DLGAP1: variants seen among roughly 807,000 people sequenced by gnomAD.
The protein encoded by DLGAP1 is disks large-associated protein 1.
Under a neutral mutation model 90.8 loss-of-function variants are expected in DLGAP1, and 11 were observed. The ratio of observed to expected loss-of-function variants is 0.12; its 90% CI spans 0.08 to 0.20. The LOEUF is 0.20. Ranked by LOEUF, DLGAP1 falls within the 10% of genes least tolerant of loss-of-function variation. The pLI, the probability that DLGAP1 is intolerant of heterozygous loss-of-function variation, is 1.00. For synonymous variants in DLGAP1, 558 were observed against 540.7 expected, an observed-to-expected ratio of 1.03 and a Z score of -0.44; for missense variants, 1,050 against 1,333.8, an observed-to-expected ratio of 0.79 and a Z score of 3.31.
chr18:4,217,428 T>C (rs554968031), intron 1 of DLGAP1, among the ~76,000 whole-genome samples: 1 of 152,250 alleles, frequency 6.6e-6, no homozygotes, highest in African/African-American at 2.4e-5. Context: ...TGTGGTTATA[T>C]TTTGTAAGTG....
Position 3,851,652 on chromosome 18 carries a change from A to T in DLGAP1, c.957+27460T>A, listed in dbSNP as rs79154348. On this transcript the variant is annotated intron_variant, in intron 4 of 12. Coordinates refer to ENST00000315677, the MANE Select transcript of DLGAP1 (RefSeq NM_004746.4). ...ATAACAAACCTGCACAATATCCTGA[A>T]CCTAAAATAAAAGTTTAAAAGTAAA... Among the ~76,000 whole-genome samples the T allele has an allele frequency of 5.2e-3, 785 of 152,318 alleles. 8 individuals carry two copies. Among genetic ancestry groups the T allele is most frequent in the African/African-American group, 0.018 (747 of 41,566 alleles).
intron 7 of DLGAP1, among the ~76,000 whole-genome samples, chr18:3,707,719 G>A (rs549198133): frequency 6.6e-6 from 1 of 152,226 alleles, no homozygotes; most frequent in African/African-American, 2.4e-5. Flanking sequence ...CTGCATTGGT[G>A]CTGCGTTCCT....
chr18:4,136,892 C>G (rs1444910430), intron 2 of DLGAP1, among the ~76,000 whole-genome samples: 3 of 150,740 alleles, frequency 2.0e-5, no homozygotes, highest in Non-Finnish European at 4.4e-5. Context: ...AGTTTTTATT[C>G]AATTTTGATG....
intron 1 of DLGAP1, among the ~76,000 whole-genome samples, chr18:4,360,953 C>T (rs1448384270): frequency 2.7e-5 from 4 of 148,544 alleles, no homozygotes; most frequent in East Asian, 3.9e-4. Context: ...TAAGATTCTA[C>T]GTCAAAAAAA....
At chr18:4,286,456 G>A (rs1431857163) in intron 1 of DLGAP1, among the ~76,000 whole-genome samples, 2 of 152,066 alleles carry the variant, frequency 1.3e-5, no homozygotes, top group Non-Finnish European at 2.9e-5. Flanking sequence ...GGAGGATGAC[G>A]CTAATGCTGA....
chr18:3,748,971 G>A (rs1161792981), intron 5 of DLGAP1, among the ~76,000 whole-genome samples: 2 of 151,990 alleles, frequency 1.3e-5, no homozygotes, highest in Admixed American at 6.6e-5. Context: ...CCTGACATTT[G>A]TTACCATTTA....
chr18:3,712,320 G>A (rs1292545706), intron 7 of DLGAP1, among the ~76,000 whole-genome samples: 2 of 152,134 alleles, frequency 1.3e-5, no homozygotes, highest in Non-Finnish European at 1.5e-5. Flanking sequence ...CGTTTGCCGC[G>A]GGGCTTGCAC....
Position 4,417,703 on chromosome 18 carries a change from G to A in DLGAP1, c.-267+37303C>T, listed in dbSNP as rs112024721. Among the ~76,000 whole-genome samples the A allele has an allele frequency of 1.2e-4, 18 of 152,208 alleles. 1 individual carries two copies. In the South Asian group the frequency reaches 3.3e-3, roughly 28 times the overall value. On this transcript the variant is annotated intron_variant, in intron 1 of 12. Coordinates refer to ENST00000315677, the MANE Select transcript of DLGAP1 (RefSeq NM_004746.4). ...ACAGGAAAAAACCAATTTCAGCTGA[G>A]GGAAGAAAACAGAAAACAAAACAAA...
At chr18:3,814,446 C>G (rs886575061) in intron 4 of DLGAP1, among the ~76,000 whole-genome samples, 173 bp from the exon 5 acceptor site, 3 of 145,248 alleles carry the variant, frequency 2.1e-5, no homozygotes, top group African/African-American at 7.7e-5. Context: ...ACTGCAAGCT[C>G]TGCTTCCTGG....
At chr18:3,592,857 A>G (rs1189994073) in intron 7 of DLGAP1, among the ~76,000 whole-genome samples, 1 of 133,660 alleles carries the variant, frequency 7.5e-6, no homozygotes, top group African/African-American at 2.9e-5. Flanking sequence ...AAAAAAAAAA[A>G]AAAAAAAAAA....
At chr18:4,193,088 A>G (rs866904460) in intron 1 of DLGAP1, among the ~76,000 whole-genome samples, 47 of 152,226 alleles carry the variant, frequency 3.1e-4, no homozygotes, top group African/African-American at 1.0e-3. Context: ...TTGATGAGTC[A>G]GCCACTGAAT....
intron 2 of DLGAP1, among the ~76,000 whole-genome samples, chr18:4,018,448 G>A (rs188019109): frequency 5.9e-5 from 9 of 152,352 alleles, no homozygotes; most frequent in African/African-American, 1.4e-4. Context: ...ATACAGCTGA[G>A]AGCTGTCAGG....
At position 4,378,487 on chromosome 18, in the gene DLGAP1, G is replaced by C. The variant is rs2082057320; in HGVS notation, c.-267+76519C>G. The stretch of plus-strand genomic sequence containing the variant: ...TTGAGGTAGGTTTGATTGTCTTATT[G>C]GTAAGTAGGTTTGATACCTTGAGAC... On this transcript the variant is annotated intron_variant, in intron 1 of 12. Transcript: ENST00000315677. The surrounding 1 kb of genome is among the most constrained non-coding windows in gnomAD (Gnocchi z 4.5). 6.6e-6 allele frequency among the ~76,000 whole-genome samples: 1 copy of C among 151,950 alleles called. No homozygotes were observed. Among genetic ancestry groups the C allele is most frequent in the East Asian group, 1.9e-4 (1 of 5,182 alleles).
intron 4 of DLGAP1, chr18:3,845,563 C>A (rs1253284811): frequency 1.2e-5 from 12 of 985,320 alleles, no homozygotes; most frequent in Non-Finnish European, 1.4e-5. Flanking sequence ...GTTGTACTTA[C>A]AGAGTCTGGC....
At chr18:3,944,426 T>A (rs2072835211) in intron 3 of DLGAP1, among the ~76,000 whole-genome samples, 1 of 152,036 alleles carries the variant, frequency 6.6e-6, no homozygotes, top group Non-Finnish European at 1.5e-5. Context: ...AACAGGGACC[T>A]GGGAGGTGGA....
chr18:4,132,396 A>C (rs2076330396), intron 2 of DLGAP1, among the ~76,000 whole-genome samples: 2 of 152,170 alleles, frequency 1.3e-5, no homozygotes. Context: ...GAATGAACAT[A>C]AACTCTAAAC....
chr18:4,287,230 C>T (rs1377666467), intron 1 of DLGAP1, among the ~76,000 whole-genome samples: 1 of 152,148 alleles, frequency 6.6e-6, no homozygotes, highest in Non-Finnish European at 1.5e-5. Flanking sequence ...CATCTCACAT[C>T]AGTTAAAAAG....
chr18:3,645,422 AAAATGTAT>A (rs1389581359), intron 7 of DLGAP1, among the ~76,000 whole-genome samples: 1 of 152,182 alleles, frequency 6.6e-6, no homozygotes, highest in Non-Finnish European at 1.5e-5. Flanking sequence ...AGGAACTTTG[AAAATGTAT>A]TTCCAACCAG....
intron 2 of DLGAP1, among the ~76,000 whole-genome samples, chr18:4,114,078 G>GTTTTT (rs2076020826): frequency 8.7e-6 from 1 of 114,392 alleles, no homozygotes; most frequent in Non-Finnish European, 1.8e-5. Context: ...TTTTTTTTTG[G>GTTTTT]TTTGCTTAGA....
Sources: allele counts gnomAD v4.1 joint callset (sites outside exome capture counted in the v4.1 genomes callset), GRCh38; gene constraint gnomAD v4.1.1; non-coding constraint Gnocchi (gnomAD v3.1); transcripts MANE v1.5; gene names NCBI Gene and HGNC (gene_info 2026-07-23, HGNC 2026-07-21).